The following ZNF766 variants were observed in gnomAD, a reference collection of about 807,000 sequenced individuals.
ZNF766 encodes the protein zinc finger protein 766.
In ZNF766, 13 loss-of-function variants were observed where a neutral mutation model predicts 13.2. The ratio of observed to expected loss-of-function variants is 0.98; its 90% CI spans 0.64 to 1.56. The LOEUF (loss-of-function observed/expected upper bound fraction) is 1.56, where lower values mean the gene tolerates loss of function less well. ZNF766 is among the 40% of genes most tolerant of loss of function. ZNF766 has a pLI of 0.00. For synonymous variants in ZNF766, 178 were observed against 187.6 expected (o/e 0.95, Z 0.42); for missense variants, 521 against 552.2 (o/e 0.94, Z 0.57).
intron 1 of ZNF766, among the ~76,000 whole-genome samples, chr19:52,273,686 C>G (rs1276806891): frequency 1.3e-5 from 2 of 152,230 alleles, no homozygotes; most frequent in African/African-American, 4.8e-5. Flanking sequence ...ATTTAACACT[C>G]CAGCTACACC....
rs753175196 is a variant in ZNF766 at position 52,283,444 on chromosome 19, A to G, written c.274+31A>G. 2.7e-6 allele frequency: 4 copies of G among 1,492,662 alleles called. No individual in the cohort carries two copies. The East Asian group carries it at 7.4e-5, about 28-fold the overall frequency. The allele number at this position is 1,492,662 out of a possible 1,614,324, so 92.5% of individuals were successfully genotyped here. On this transcript the variant is annotated intron_variant, in intron 3 of 3. Transcript: ENST00000439461. ...AGCTCAGATGGACAGAGTGAAAGCC[A>G]CACTTTTTTTTTTTTTTTTGAGACA...
At chr19:52,277,182 G>T (rs182014190) in intron 1 of ZNF766, 2 of 1,143,342 alleles carry the variant, frequency 1.7e-6, no homozygotes, top group East Asian at 1.1e-4. Flanking sequence ...CATGTTGGCC[G>T]GGCGCGGGGG....
intron 1 of ZNF766, chr19:52,277,497 G>A: frequency 6.4e-7 from 1 of 1,574,120 alleles, no homozygotes; most frequent in Non-Finnish European, 8.6e-7. Context: ...TGAAGGAGAA[G>A]CCCAGAAGAG....
chr19:52,290,129 C>A lies in ZNF766; in HGVS notation c.338C>A (p.Thr113Asn). ...CCTATTACAAATCAACTTGGATTAA[C>A]CTTTCAGTTACCTCTGCCAGAACTG... ...NKPITNQLGLTFQLPLPELEI... is the reference protein window; with the variant it reads ...NKPITNQLGLNFQLPLPELEI... Residue 113 changes from threonine to asparagine, a missense_variant, in exon 4 of 4, where the codon ACC becomes AAC. Coordinates refer to ENST00000439461, the MANE Select transcript of ZNF766 (RefSeq NM_001010851.3). 6.2e-7 allele frequency: 1 copy of A among 1,614,130 alleles called. No individual in the cohort carries two copies. Among genetic ancestry groups the A allele is most frequent in the South Asian group, 1.1e-5 (1 of 91,072 alleles).
chr19:52,269,881 C>A (rs1250095932), intron 1 of ZNF766, among the ~76,000 whole-genome samples: 1 of 152,202 alleles, frequency 6.6e-6, no homozygotes, highest in Non-Finnish European at 1.5e-5. Context: ...AGTGACCCCT[C>A]CGCCAGCCCC....
intron 1 of ZNF766, chr19:52,281,861 G>T (rs772589607): frequency 1.9e-6 from 1 of 540,212 alleles, no homozygotes; most frequent in Non-Finnish European, 3.7e-6. Flanking sequence ...AGAGACACTT[G>T]TATGCTAGCT....
chr19:52,279,405 G>T (rs1266686186), intron 1 of ZNF766, among the ~76,000 whole-genome samples: 2 of 152,170 alleles, frequency 1.3e-5, no homozygotes, highest in East Asian at 3.9e-4. Context: ...TTCTAGTTCT[G>T]CAAAGAACGT....
Position 52,290,227 on chromosome 19 carries a change from G to A in ZNF766, c.436G>A (p.Val146Ile). 5 of 1,613,980 alleles carry A rather than the reference G, an allele frequency of 3.1e-6. No individual in the cohort carries two copies. Among genetic ancestry groups the A allele is most frequent in the Non-Finnish European group, 3.4e-6 (4 of 1,179,898 alleles). Residue 146 changes from valine to isoleucine, a missense_variant, in exon 4 of 4, where the codon GTT becomes ATT. Physicochemically the swap from Val to Ile is conservative, Grantham distance 29. Coordinates refer to ENST00000439461, the MANE Select transcript of ZNF766 (RefSeq NM_001010851.3). ...AAAGTTCATCAGCCACAGTTCTTCA[G>A]TTTCGCCACTTCAAAGAATTTACTC... is the stretch of plus-strand genomic sequence containing the variant. ...VQKFISHSSSVSPLQRIYSGV... is the reference protein window; with the variant it reads ...VQKFISHSSSISPLQRIYSGV...
intron 3 of ZNF766, among the ~76,000 whole-genome samples, chr19:52,285,313 A>T (rs1421640496): frequency 3.3e-5 from 5 of 151,912 alleles, no homozygotes; most frequent in African/African-American, 1.2e-4. Context: ...CACTTCCAAC[A>T]CTGTATCTGG....
rs1044071186 is a variant in ZNF766, at chr19:52,291,260, G to T, written c.*62G>T. ...AACATCCGAGAGTCTATACTAGAAA[G>T]AAATCATTTAAATGTACTATATGTG... On this transcript the variant is annotated 3_prime_UTR_variant, in exon 4 of 4. Coordinates refer to ENST00000439461, the MANE Select transcript of ZNF766 (RefSeq NM_001010851.3). The T allele has an allele frequency of 3.4e-6, 5 of 1,461,444 alleles. No homozygotes were observed. Among genetic ancestry groups the T allele is most frequent in the East Asian group, 4.6e-5 (2 of 43,734 alleles). 90.5% of individuals were successfully genotyped at this position (1,461,444 alleles called of 1,614,324 possible). A position where few individuals can be genotyped will look rare whatever the true frequency, so the allele number is the denominator to read the frequency against.
At chr19:52,282,397 AG>A in intron 2 of ZNF766, 160 bp downstream of exon 2, 1 of 786,922 alleles carries the variant, frequency 1.3e-6, no homozygotes, top group Non-Finnish European at 1.9e-6. Context: ...GCACTTTGGG[AG>A]GCTGAGGTGG....
Position 52,282,400 on chromosome 19 carries a change from C to G in ZNF766, c.145+163C>G. On this transcript the variant is annotated intron_variant, in intron 2 of 3. Transcript: ENST00000439461. ...CCTGTAATCCCAGCACTTTGGGAGG[C>G]TGAGGTGGGTGGATTGCTTGAGGTC... The G allele has an allele frequency of 1.1e-5, 8 of 751,978 alleles. No homozygotes were observed. In the South Asian group the frequency reaches 1.1e-4, roughly 11 times the overall value. The allele number at this position is 751,978 out of a possible 1,614,324, so 46.6% of individuals were successfully genotyped here. A position where few individuals can be genotyped will look rare whatever the true frequency, so the allele number is the denominator to read the frequency against.
At chr19:52,279,114 C>G (rs62110401) in intron 1 of ZNF766, among the ~76,000 whole-genome samples, 17,658 of 152,148 alleles carry the variant, frequency 0.12, 1,092 homozygotes, top group Middle Eastern at 0.2. Context: ...TATCCAGCAC[C>G]GTTTATGAAA....
rs748373305 is a variant in ZNF766, at chr19:52,291,248, C to CT, written c.*51dup. 28 of 1,492,212 alleles carry CT rather than the reference C, an allele frequency of 1.9e-5. No homozygotes were observed. Among genetic ancestry groups the CT allele is most frequent in the Non-Finnish European group, 2.5e-5 (28 of 1,112,636 alleles). The allele number at this position is 1,492,212 out of a possible 1,614,324, so 92.4% of individuals were successfully genotyped here. A position where few individuals can be genotyped will look rare whatever the true frequency, so the allele number is the denominator to read the frequency against. The stretch of plus-strand genomic sequence containing the variant: ...CTAGCAGTAATCAACATCCGAGAGT[C>CT]TATACTAGAAAGAAATCATTTAAAT... On this transcript the variant is annotated 3_prime_UTR_variant, in exon 4 of 4. Coordinates refer to ENST00000439461, the MANE Select transcript of ZNF766 (RefSeq NM_001010851.3).
chr19:52,281,844 C>G (rs780770555), intron 1 of ZNF766: 2 of 534,584 alleles, frequency 3.7e-6, no homozygotes, highest in African/African-American at 3.8e-5. Flanking sequence ...AAGTAGTTGG[C>G]GTCTTCAGAG....
intron 1 of ZNF766, among the ~76,000 whole-genome samples, chr19:52,274,945 G>GA (rs1981126819): frequency 1.3e-5 from 2 of 152,216 alleles, no homozygotes; most frequent in Admixed American, 6.5e-5. Flanking sequence ...TAAAAGGTTT[G>GA]AAAACATAGG....
At chr19:52,289,963 T>C (rs879883862) in intron 3 of ZNF766, 103 bp from the exon 4 acceptor site, 5 of 1,212,696 alleles carry the variant, frequency 4.1e-6, no homozygotes, top group Non-Finnish European at 5.7e-6. Context: ...ATCGTGCCAC[T>C]GCACTCCAGC....
At chr19:52,286,323 T>TC (rs971891399) in intron 3 of ZNF766, among the ~76,000 whole-genome samples, 6 of 110,524 alleles carry the variant, frequency 5.4e-5, no homozygotes, top group African/African-American at 2.3e-4. Flanking sequence ...TTTTTCTTTC[T>TC]TTTTTTTTTT....
At position 52,290,374 on chromosome 19, in the gene ZNF766, G is replaced by T; in HGVS notation, c.583G>T (p.Val195Phe). 1 of 1,614,050 alleles carries T rather than the reference G, an allele frequency of 6.2e-7. No individual in the cohort carries two copies. Residue 195 changes from valine (V) to phenylalanine (F), a missense_variant, in exon 4 of 4, where the codon GTC becomes TTC. By Grantham distance (50) the Val-to-Phe change is conservative. Coordinates refer to ENST00000439461, the MANE Select transcript of ZNF766 (RefSeq NM_001010851.3). ...TTACGAATGTAATGAGCAGGGCAAA[G>T]TCTTCAGAGTGTCTTCAAGCCTTCC... ...KPYECNEQGKVFRVSSSLPNH... is the reference protein window; with the variant it reads ...KPYECNEQGKFFRVSSSLPNH...
Sources: gnomAD v4.1 joint callset for allele counts (sites outside exome capture counted in the v4.1 genomes callset) on GRCh38, gnomAD v4.1.1 for gene constraint, MANE v1.5 for transcripts, NCBI Gene and HGNC (gene_info 2026-07-23, HGNC 2026-07-21) for gene names.